Variants in PARVA observed in about 807,000 individuals in gnomAD.
PARVA encodes the protein alpha-parvin.
In PARVA, 25 loss-of-function variants were observed where a neutral mutation model predicts 52.6. The ratio of observed to expected loss-of-function variants is 0.48; its 90% confidence interval spans 0.35 to 0.66. PARVA has a LOEUF of 0.66. Ranked by LOEUF, PARVA falls within the 30% of genes least tolerant of loss-of-function variation. The pLI is 0.01. For missense variants in PARVA, 373 were observed against 450.9 expected (o/e 0.83, Z 1.56); for synonymous variants, 185 against 179.1 (o/e 1.03, Z -0.26).
upstream of PARVA, chr11:12,377,482 G>C (rs751327211): frequency 7.1e-7 from 1 of 1,414,772 alleles, no homozygotes; most frequent in Non-Finnish European, 9.2e-7. Context: ...GGGAGGGAGC[G>C]AGGGAGGGAG....
At chr11:12,493,949 A>G (rs987098213) in intron 4 of PARVA, among the ~76,000 whole-genome samples, 21 of 152,256 alleles carry the variant, frequency 1.4e-4, no homozygotes, top group African/African-American at 5.1e-4. Context: ...GCATTCGCCA[A>G]GTTCAGACCT....
rs548127905 is a variant in PARVA, at chr11:12,459,190, C to G, written c.137-14555C>G. Among the ~76,000 whole-genome samples the G allele has an allele frequency of 4.6e-5, 7 of 151,576 alleles. No individual in the cohort carries two copies. In the East Asian group the frequency reaches 1.4e-3, roughly 30 times the overall value. ...GCCTGTAATCCCAGCATTTTTGGGC[C>G]CAGGGGTTCGAGACCAGCCTGGGCA... On this transcript the variant is annotated intron_variant, in intron 1 of 12. Coordinates refer to ENST00000334956, the MANE Select transcript of PARVA (RefSeq NM_018222.5).
intron 1 of PARVA, among the ~76,000 whole-genome samples, chr11:12,462,354 A>G (rs1027621861): frequency 6.6e-6 from 1 of 152,188 alleles, no homozygotes; most frequent in Non-Finnish European, 1.5e-5. Context: ...TTAAAAGTAG[A>G]AGAGGAGATT....
At chr11:12,392,528 C>G (rs1241339066) in intron 1 of PARVA, among the ~76,000 whole-genome samples, 1 of 152,134 alleles carries the variant, frequency 6.6e-6, no homozygotes, top group Non-Finnish European at 1.5e-5. Flanking sequence ...CTCTGCTTCC[C>G]AAAGTGCTGG....
chr11:12,433,688 T>C (rs1223866591), intron 1 of PARVA, among the ~76,000 whole-genome samples: 1 of 152,210 alleles, frequency 6.6e-6, no homozygotes, highest in African/African-American at 2.4e-5. Flanking sequence ...TTGTTTTAAC[T>C]GACTTGAAGA....
At chr11:12,487,838 ATGTT>A (rs1941180864) in intron 4 of PARVA, among the ~76,000 whole-genome samples, 1 of 152,166 alleles carries the variant, frequency 6.6e-6, no homozygotes, top group African/African-American at 2.4e-5. Context: ...GACACATACA[ATGTT>A]TGTATGCATA....
intron 1 of PARVA, among the ~76,000 whole-genome samples, chr11:12,459,711 A>G (rs1940749893): frequency 1.3e-5 from 2 of 152,230 alleles, no homozygotes; most frequent in Non-Finnish European, 2.9e-5. Flanking sequence ...ATTATATGAC[A>G]TGAAAAAAGC....
At chr11:12,491,673 C>G (rs1025120848) in intron 4 of PARVA, among the ~76,000 whole-genome samples, 3 of 152,008 alleles carry the variant, frequency 2.0e-5, no homozygotes, top group Non-Finnish European at 2.9e-5. Flanking sequence ...AAATTTTAAA[C>G]TTATATGTAC....
intron 12 of PARVA, among the ~76,000 whole-genome samples, chr11:12,519,833 CTCT>C (rs1941615105): frequency 6.6e-6 from 1 of 152,196 alleles, no homozygotes; most frequent in Non-Finnish European, 1.5e-5. Context: ...GGGGGAGGAC[CTCT>C]AGCAAGGCTG....
At chr11:12,455,292 T>C (rs1940680046) in intron 1 of PARVA, among the ~76,000 whole-genome samples, 1 of 152,232 alleles carries the variant, frequency 6.6e-6, no homozygotes, top group African/African-American at 2.4e-5. Flanking sequence ...ATTAAACATT[T>C]CCTCATTAAG....
Position 12,517,636 on chromosome 11 carries a change from G to A in PARVA, c.894G>A (p.Leu298=), listed in dbSNP as rs774143111. Reference sequence around the variant, plus strand: ...TTGCAGATGGGGTGTACCTGGTGCTGCTCATGGGGCTCCTGGAGGGCTACT... The same window carrying A: ...TTGCAGATGGGGTGTACCTGGTGCTACTCATGGGGCTCCTGGAGGGCTACT... ...TQFADGVYLV[L]LMGLLEGYFV... Residue 298 remains leucine (L), a synonymous_variant, in exon 11 of 13, where the codon CTG becomes CTA. Transcript: ENST00000334956. The A allele has an allele frequency of 1.2e-6, 2 of 1,602,572 alleles. No individual in the cohort carries two copies. Among genetic ancestry groups the A allele is most frequent in the African/African-American group, 1.3e-5 (1 of 74,886 alleles).
At chr11:12,523,073 GGGT>G (rs1181082018) in intron 12 of PARVA, among the ~76,000 whole-genome samples, 1 of 151,856 alleles carries the variant, frequency 6.6e-6, no homozygotes, top group Non-Finnish European at 1.5e-5. Flanking sequence ...TATGTTGCAT[GGGT>G]TTTTTTCTGG....
rs556618771 is a variant in PARVA, at chr11:12,384,137, C to T, written c.136+6354C>T. Among the ~76,000 whole-genome samples the T allele has an allele frequency of 1.2e-4, 19 of 152,304 alleles. No homozygotes were observed. In the South Asian group the frequency reaches 3.5e-3, roughly 28 times the overall value. On this transcript the variant is annotated intron_variant, in intron 1 of 12. Transcript: ENST00000334956. ...AGCTTCCTCCCAGACTTGGCATAGC[C>T]AGATATGCTATTTCTCATATCCCAT...
At chr11:12,400,103 A>G (rs1939804685) in intron 1 of PARVA, among the ~76,000 whole-genome samples, 1 of 152,206 alleles carries the variant, frequency 6.6e-6, no homozygotes, top group South Asian at 2.1e-4. Context: ...ACATAAATAA[A>G]TAAAAATTAC....
chr11:12,430,721 G>C (rs537109008), intron 1 of PARVA, among the ~76,000 whole-genome samples: 3 of 152,150 alleles, frequency 2.0e-5, no homozygotes, highest in Non-Finnish European at 4.4e-5. Context: ...GAGGGCCCAT[G>C]CCTGGCTATA....
At chr11:12,512,345 T>C (rs1041062405) in intron 8 of PARVA, among the ~76,000 whole-genome samples, 1 of 152,222 alleles carries the variant, frequency 6.6e-6, no homozygotes, top group Non-Finnish European at 1.5e-5. Flanking sequence ...ACTGGGTTTG[T>C]TTGTTTATGA....
intron 1 of PARVA, among the ~76,000 whole-genome samples, chr11:12,454,530 G>A (rs1339842500): frequency 1.3e-5 from 2 of 150,818 alleles, no homozygotes; most frequent in Non-Finnish European, 2.9e-5. Flanking sequence ...ACAAGCCTGT[G>A]TGTCACTTCT....
At chr11:12,435,898 A>C (rs1045212210) in intron 1 of PARVA, among the ~76,000 whole-genome samples, 1 of 151,876 alleles carries the variant, frequency 6.6e-6, no homozygotes, top group Non-Finnish European at 1.5e-5. Context: ...GCTCACTGCA[A>C]CCTCTGCTTC....
chr11:12,417,507 C>A (rs903693679), intron 1 of PARVA, among the ~76,000 whole-genome samples: 1 of 152,138 alleles, frequency 6.6e-6, no homozygotes, highest in African/African-American at 2.4e-5. Context: ...TTAACAGTGA[C>A]TACATCTGGA....
Sources: allele counts gnomAD v4.1 joint callset (sites outside exome capture counted in the v4.1 genomes callset), GRCh38; gene constraint gnomAD v4.1.1; transcripts MANE v1.5; gene names NCBI Gene and HGNC (gene_info 2026-07-23, HGNC 2026-07-21).